MTUS2: variants seen among roughly 807,000 people sequenced by gnomAD.
MTUS2 encodes microtubule-associated tumor suppressor candidate 2.
MTUS2 carries 40 observed loss-of-function variants against 114.1 expected under a neutral mutation model. That is an observed-to-expected ratio of 0.35 (90% CI 0.27 to 0.46). MTUS2 has a LOEUF of 0.46. Ranked by LOEUF, MTUS2 falls within the 20% of genes least tolerant of loss-of-function variation. MTUS2 has a pLI of 1.00. For missense variants in MTUS2, 1,679 were observed against 1,705.4 expected, an observed-to-expected ratio of 0.98 and a Z score of 0.27; for synonymous variants, 688 against 672.0, an observed-to-expected ratio of 1.02 and a Z score of -0.37.
At chr13:29,195,175 A>G (rs914228361) in intron 5 of MTUS2, among the ~76,000 whole-genome samples, 7 of 151,772 alleles carry the variant, frequency 4.6e-5, no homozygotes, top group African/African-American at 1.7e-4. Context: ...GCACACCAGC[A>G]TGGCACATGT....
intron 2 of MTUS2, among the ~76,000 whole-genome samples, chr13:28,883,224 C>T (rs562696015): frequency 6.6e-6 from 1 of 152,308 alleles, no homozygotes; most frequent in Admixed American, 6.5e-5. Context: ...GTACAGCCAC[C>T]TTGGAATCCA....
intron 10 of MTUS2, 103 bp from the exon 11 acceptor site, chr13:29,487,797 T>A (rs1881737105): frequency 1.1e-6 from 1 of 882,908 alleles, no homozygotes; most frequent in Non-Finnish European, 1.9e-6. Flanking sequence ...AGGCTGTGAC[T>A]TGTCATTGAT....
At chr13:29,155,253 A>G (rs1308580770) in intron 5 of MTUS2, among the ~76,000 whole-genome samples, 6 of 152,246 alleles carry the variant, frequency 3.9e-5, no homozygotes, top group Non-Finnish European at 7.3e-5. Flanking sequence ...GGTTTTTGTA[A>G]CACCCCAATG....
intron 2 of MTUS2, among the ~76,000 whole-genome samples, chr13:28,956,887 A>T (rs1282197502): frequency 7.1e-6 from 1 of 140,278 alleles, no homozygotes; most frequent in Non-Finnish European, 1.5e-5. Flanking sequence ...AGAAAGTGTG[A>T]TGGCGACAGA....
At chr13:29,447,996 G>A (rs1474121488) in intron 9 of MTUS2, among the ~76,000 whole-genome samples, 1 of 152,070 alleles carries the variant, frequency 6.6e-6, no homozygotes, top group African/African-American at 2.4e-5. Context: ...TTTATAAGAT[G>A]CTCTTCCTCA....
intron 10 of MTUS2, chr13:29,487,509 C>T (rs1057468324): frequency 1.4e-5 from 3 of 216,022 alleles, no homozygotes; most frequent in South Asian, 1.6e-4. Flanking sequence ...CCTTGTGTAC[C>T]GTAGCTCCCC....
intron 2 of MTUS2, among the ~76,000 whole-genome samples, chr13:28,865,051 A>G (rs1417917306): frequency 6.6e-5 from 10 of 152,064 alleles, no homozygotes; most frequent in East Asian, 5.8e-4. Flanking sequence ...CTGCAAATGC[A>G]TGTGTGTCTG....
chr13:29,282,051 G>C (rs1323424644), intron 6 of MTUS2, among the ~76,000 whole-genome samples, 186 bp downstream of exon 6: 1 of 152,214 alleles, frequency 6.6e-6, no homozygotes, highest in Non-Finnish European at 1.5e-5. Context: ...TCTCGTAACT[G>C]CCTCTCACTC....
chr13:28,862,495 C>T (rs1877052726), intron 2 of MTUS2, among the ~76,000 whole-genome samples: 1 of 152,168 alleles, frequency 6.6e-6, no homozygotes, highest in African/African-American at 2.4e-5. Context: ...CACCTGTAGT[C>T]CCAGCTACTT....
rs1382537465 is a variant in MTUS2 at position 29,480,192 on chromosome 13, A to G, written c.3227A>G (p.Glu1076Gly). 6.4e-7 allele frequency: 1 copy of G among 1,557,136 alleles called. No individual in the cohort carries two copies. Among genetic ancestry groups the G allele is most frequent in the Non-Finnish European group, 8.7e-7 (1 of 1,149,946 alleles). ...TGCGAGAAACTACAAAAGGAGAAGG[A>G]GGAGCTGGAGAGGCGGTTCGAGGAC... ...AKCEKLQKEK[E>G]ELERRFEDEV... The change falls in exon 10 of 16, where the codon GAG (glutamate) becomes GGG (glycine). Residue 1076 changes from glutamate to glycine, a missense_variant. Transcript: ENST00000612955. This position sits in a 1 kb window ranked among gnomAD's most constrained non-coding sequence, Gnocchi z 4.4.
At chr13:28,996,572 C>G (rs1354703540) in intron 2 of MTUS2, among the ~76,000 whole-genome samples, 1 of 152,188 alleles carries the variant, frequency 6.6e-6, no homozygotes, top group Non-Finnish European at 1.5e-5. Flanking sequence ...GCCTGAATTT[C>G]AGAGCCTGTT....
intron 9 of MTUS2, 60 bp downstream of exon 9, chr13:29,440,109 G>A: frequency 6.7e-7 from 1 of 1,503,676 alleles, no homozygotes; most frequent in Non-Finnish European, 9.0e-7. Context: ...TCCTGTGAAT[G>A]TGTACCAAAA....
chr13:28,820,640 G>C (rs1442720671), intron 1 of MTUS2, 29 bp downstream of exon 1: 1 of 152,250 alleles, frequency 6.6e-6, no homozygotes, highest in Non-Finnish European at 1.5e-5. Flanking sequence ...GCGCGGTCCG[G>C]TGGGGTCGGC....
chr13:29,135,290 C>T (rs1340634150), intron 5 of MTUS2, among the ~76,000 whole-genome samples: 3 of 152,192 alleles, frequency 2.0e-5, no homozygotes. Flanking sequence ...TAATGTCCTT[C>T]TTTGTCTCTT....
chr13:28,978,770 T>C (rs539865676), intron 2 of MTUS2, among the ~76,000 whole-genome samples: 8 of 152,346 alleles, frequency 5.3e-5, no homozygotes, highest in African/African-American at 1.9e-4. Flanking sequence ...CCTAACAGGC[T>C]GCATTCATGG....
chr13:29,006,086 G>T (rs1885588901), intron 2 of MTUS2, among the ~76,000 whole-genome samples: 1 of 152,196 alleles, frequency 6.6e-6, no homozygotes, highest in African/African-American at 2.4e-5. Context: ...GTATGGAGGG[G>T]CTGTGCAAGT....
chr13:29,422,107 T>C (rs1366002740), intron 8 of MTUS2, among the ~76,000 whole-genome samples: 1 of 152,268 alleles, frequency 6.6e-6, no homozygotes, highest in African/African-American at 2.4e-5. Context: ...CATTTCCCTA[T>C]GCCCAGATTC....
At chr13:29,184,126 C>CTACA (rs945423634) in intron 5 of MTUS2, among the ~76,000 whole-genome samples, 5 of 152,184 alleles carry the variant, frequency 3.3e-5, no homozygotes, top group Non-Finnish European at 5.9e-5. Context: ...ATATCATTAT[C>CTACA]TACAATTCAA....
chr13:28,981,687 G>A (rs1884364489), intron 2 of MTUS2, among the ~76,000 whole-genome samples: 1 of 152,206 alleles, frequency 6.6e-6, no homozygotes, highest in African/African-American at 2.4e-5. Context: ...AGCATGAGCT[G>A]AGTGGCGCTT....
Sources: gnomAD v4.1 joint callset for allele counts (sites outside exome capture counted in the v4.1 genomes callset) on GRCh38, gnomAD v4.1.1 for gene constraint, Gnocchi (gnomAD v3.1) non-coding constraint, MANE v1.5 for transcripts, NCBI Gene and HGNC (gene_info 2026-07-23, HGNC 2026-07-21) for gene names.